The following SRFBP1 variants were observed in gnomAD, a reference collection of about 807,000 sequenced individuals.
The protein encoded by SRFBP1 is serum response factor binding protein 1, also known as serum response factor-binding protein 1.
A neutral mutation model predicts 45.5 loss-of-function variants in SRFBP1; 47 were observed. The observed-to-expected ratio is 1.03, with a 90% CI of 0.82 to 1.32. The LOEUF (loss-of-function observed/expected upper bound fraction) is 1.32. Among genes scored for constraint, SRFBP1 ranks in the 40% most tolerant of loss-of-function variants. SRFBP1 has a pLI of 0.00. For synonymous variants in SRFBP1, 203 were observed against 166.3 expected (o/e 1.22, Z -1.70); for missense variants, 621 against 484.6 (o/e 1.28, Z -2.64).
intron 4 of SRFBP1, among the ~76,000 whole-genome samples, chr5:122,008,897 A>T (rs1482273646): frequency 1.3e-5 from 2 of 152,174 alleles, no homozygotes; most frequent in African/African-American, 4.8e-5. Context: ...TTATTTTCTT[A>T]TTGCTTATGA....
At position 121,992,987 on chromosome 5, in the gene SRFBP1, G is replaced by A. The variant is rs541957092; in HGVS notation, c.199-1612G>A. ...ACCCAGGAGCCTCGTGTCTTCTACCGACATCTGTGATACTGTATTTGGCTA... is the reference window on the plus strand; with the variant it reads ...ACCCAGGAGCCTCGTGTCTTCTACCAACATCTGTGATACTGTATTTGGCTA... On this transcript the variant is annotated intron_variant, in intron 3 of 7. Coordinates refer to ENST00000339397, the MANE Select transcript of SRFBP1 (RefSeq NM_152546.3). Among the ~76,000 whole-genome samples, 10 of 152,120 alleles carry A rather than the reference G, an allele frequency of 6.6e-5. No homozygotes were observed. In the East Asian group the frequency reaches 7.7e-4, roughly 12 times the overall value.
At chr5:122,067,292 A>G (rs1296670215) in intron 2 of SRFBP1, among the ~76,000 whole-genome samples, 2 of 150,938 alleles carry the variant, frequency 1.3e-5, no homozygotes, top group East Asian at 3.9e-4. Context: ...CCAAACAGTA[A>G]ATTCTGTGAG....
At chr5:122,073,825 G>C (rs78476740) in intron 2 of SRFBP1, among the ~76,000 whole-genome samples, 1 of 152,316 alleles carries the variant, frequency 6.6e-6, no homozygotes, top group East Asian at 1.9e-4. Flanking sequence ...TTATAAAAGA[G>C]AGGTGAGAGG....
In SRFBP1 at chr5:121,975,353, C is replaced by A. The variant is rs202119587; in HGVS notation, c.164C>A (p.Ala55Glu). Reference sequence around the variant, plus strand: ...GCACTGTTAAAAAACCAAAGACGGGCGCAAAGATTGCTTGAAGAAATCCAT... The same window carrying A: ...GCACTGTTAAAAAACCAAAGACGGGAGCAAAGATTGCTTGAAGAAATCCAT... Reference protein sequence around the residue: ...EDALLKNQRRAQRLLEEIHAM... With the variant: ...EDALLKNQRREQRLLEEIHAM... The change falls in exon 3 of 8, where the codon GCG becomes GAG. Residue 55 changes from alanine to glutamate, a missense_variant. Transcript: ENST00000339397. The A allele has an allele frequency of 1.2e-6, 2 of 1,613,178 alleles. No homozygotes were observed.
At chr5:121,991,476 G>T (rs1016858134) in intron 3 of SRFBP1, among the ~76,000 whole-genome samples, 1 of 152,190 alleles carries the variant, frequency 6.6e-6, no homozygotes, top group African/African-American at 2.4e-5. Context: ...AGACTCTTAG[G>T]AGGATTCAGA....
intron 3 of SRFBP1, among the ~76,000 whole-genome samples, chr5:121,993,239 T>A (rs967567473): frequency 6.6e-6 from 1 of 152,126 alleles, no homozygotes; most frequent in Non-Finnish European, 1.5e-5. Context: ...ATTACCTGCC[T>A]GGGTTGCTCA....
rs558754433 is a variant in SRFBP1, at chr5:121,979,385, GT to G, written c.198+4006del. 2.0e-4 allele frequency among the ~76,000 whole-genome samples: 31 copies of G among 152,004 alleles called. 1 individual carries two copies. Among genetic ancestry groups the G allele is most frequent in the Admixed American group, 1.7e-3 (26 of 15,252 alleles). On this transcript the variant is annotated intron_variant, in intron 3 of 7. Coordinates refer to ENST00000339397, the MANE Select transcript of SRFBP1 (RefSeq NM_152546.3). The stretch of plus-strand genomic sequence containing the variant: ...GTTTCACATACTGTGACTTTGGTAA[GT>G]TTTTTTTCCTATGAATGCTTAAACA...
At chr5:122,066,760 A>G (rs1020867394) in intron 2 of SRFBP1, 2 of 1,519,470 alleles carry the variant, frequency 1.3e-6, no homozygotes, top group African/African-American at 1.4e-5. Context: ...CTAGATTAAG[A>G]AGACAAAATA....
chr5:122,033,227 G>A (rs764220700), downstream of SRFBP1, among the ~76,000 whole-genome samples: 3 of 150,554 alleles, frequency 2.0e-5, no homozygotes, highest in Non-Finnish European at 4.4e-5. Context: ...AGGGATAGTA[G>A]CCCTTTACCT....
intron 7 of SRFBP1, 89 bp downstream of exon 7, chr5:122,022,496 A>G (rs1444968764): frequency 1.9e-6 from 2 of 1,063,380 alleles, no homozygotes; most frequent in South Asian, 1.6e-5. Flanking sequence ...TGCTTAATAT[A>G]GCCTGAATGA....
At chr5:122,052,070 A>C (rs1753997599) in intron 2 of SRFBP1, among the ~76,000 whole-genome samples, 1 of 152,190 alleles carries the variant, frequency 6.6e-6, no homozygotes, top group Non-Finnish European at 1.5e-5. Flanking sequence ...ATGCCGAATT[A>C]GACTACCAGT....
intron 2 of SRFBP1, chr5:122,063,080 A>G (rs1474152080): frequency 2.0e-5 from 3 of 151,920 alleles, no homozygotes; most frequent in Non-Finnish European, 4.4e-5. Flanking sequence ...TAATTAAACA[A>G]TTTTTTAGTA....
intron 2 of SRFBP1, among the ~76,000 whole-genome samples, chr5:122,045,873 C>T (rs559688808): frequency 1.7e-4 from 26 of 152,224 alleles, no homozygotes; most frequent in African/African-American, 4.6e-4. Context: ...ATTGCACTGG[C>T]GATGACTTCC....
At position 122,074,125 on chromosome 5, in the gene SRFBP1, T is replaced by A. The variant is rs1212480895; in HGVS notation, n.312-1190T>A. The A allele has an allele frequency of 4.3e-6, 7 of 1,614,162 alleles. No individual in the cohort carries two copies. Among genetic ancestry groups the A allele is most frequent in the South Asian group, 1.1e-5 (1 of 91,074 alleles). ...AGCCACTCTCCTCTGGGTGTTGGCA[T>A]CAAGCAGGTCATAGTGGCTAAACTC... On this transcript the variant is annotated intron_variant and non_coding_transcript_variant, in intron 2 of 2. Coordinates refer to the SRFBP1 transcript ENST00000504881.
At chr5:121,996,977 A>G (rs1294666340) in intron 4 of SRFBP1, among the ~76,000 whole-genome samples, 1 of 132,306 alleles carries the variant, frequency 7.6e-6, no homozygotes, top group Non-Finnish European at 1.6e-5. Flanking sequence ...GGACCTCTTC[A>G]AGGAGAACTA....
chr5:122,078,359 A>C, downstream of SRFBP1: 1 of 177,846 alleles, frequency 5.6e-6, no homozygotes, highest in Non-Finnish European at 1.2e-5. Flanking sequence ...TGTTCACGTA[A>C]TGCGATTGGA....
downstream of SRFBP1, chr5:122,077,915 G>T: frequency 6.6e-7 from 1 of 1,517,594 alleles, no homozygotes; most frequent in African/African-American, 1.4e-5. The surrounding 1 kb of genome is among the most constrained non-coding windows in gnomAD (Gnocchi z 4.9). Flanking sequence ...GCCGGCGGCG[G>T]GAGGGGCGCA....
At chr5:122,013,567 C>A (rs1218644723) in intron 4 of SRFBP1, among the ~76,000 whole-genome samples, 1 of 151,980 alleles carries the variant, frequency 6.6e-6, no homozygotes, top group Non-Finnish European at 1.5e-5. Context: ...TTTTCTAAAT[C>A]TATGAAGATT....
rs1333195331 is a variant in SRFBP1 at position 122,022,362 on chromosome 5, T to C, written c.1068-8T>C. 3.1e-6 allele frequency: 5 copies of C among 1,608,048 alleles called. No individual in the cohort carries two copies. The South Asian group carries it at 5.6e-5, about 18-fold the overall frequency. The stretch of plus-strand genomic sequence containing the variant: ...TAAAAAGTCATAATGGTGTTTTTCT[T>C]CTTTTAGAAATTTCAAAGAACAGGC... On this transcript the variant is annotated splice_polypyrimidine_tract_variant and splice_region_variant and intron_variant, in intron 6 of 7. Transcript: ENST00000339397.
Sources: allele counts gnomAD v4.1 joint callset (sites outside exome capture counted in the v4.1 genomes callset), GRCh38; gene constraint gnomAD v4.1.1; non-coding constraint Gnocchi (gnomAD v3.1); transcripts MANE v1.5; gene names NCBI Gene and HGNC (gene_info 2026-07-23, HGNC 2026-07-21).